The following FKBP15 variants were observed in gnomAD, a reference collection of about 807,000 sequenced individuals.
The protein encoded by FKBP15 is FKBP prolyl isomerase family member 15.
Under a neutral mutation model 158.1 loss-of-function variants are expected in FKBP15, and 106 were observed. The observed-to-expected ratio is 0.67, with a 90% CI of 0.57 to 0.79. The LOEUF (loss-of-function observed/expected upper bound fraction) is 0.79, where lower values mean the gene tolerates loss of function less well. Ranked by LOEUF, FKBP15 falls within the 30% of genes least tolerant of loss-of-function variation. The pLI, the probability that FKBP15 is intolerant of heterozygous loss-of-function variation, is 0.00. For synonymous variants in FKBP15, 547 were observed against 548.6 expected, an observed-to-expected ratio of 1.00 and a Z score of 0.04; for missense variants, 1,287 against 1,479.1, an observed-to-expected ratio of 0.87 and a Z score of 2.13.
intron 2 of FKBP15, among the ~76,000 whole-genome samples, chr9:113,208,550 G>A (rs546298322): frequency 1.5e-3 from 223 of 152,212 alleles, no homozygotes; most frequent in African/African-American, 5.1e-3. Context: ...TCTGATTATA[G>A]AGTACAAGTG....
At chr9:113,200,816 T>C (rs1490460919) in intron 6 of FKBP15, among the ~76,000 whole-genome samples, 1 of 151,834 alleles carries the variant, frequency 6.6e-6, no homozygotes, top group Non-Finnish European at 1.5e-5. Flanking sequence ...GAGGCCGAGG[T>C]GGGCGGATCA....
At chr9:113,206,876 C>A (rs1467391537) in intron 3 of FKBP15, 1 of 435,488 alleles carries the variant, frequency 2.3e-6, no homozygotes, top group African/African-American at 2.0e-5. Flanking sequence ...GCCACCGCAC[C>A]CGGCCCAGCA....
In FKBP15 at chr9:113,182,831, T is replaced by A. The variant is rs1445211639; in HGVS notation, c.1849A>T (p.Asn617Tyr). ...EQSNLMMEKR[N>Y]NSLQTATENT... ...TCTGTGGCTGTCTGAAGTGAGTTGT[T>A]CCTCTTCTCCATCATCAGGTTACTC... The change falls in exon 19 of 28, where the codon AAC (asparagine) becomes TAC (tyrosine). Residue 617 changes from asparagine (N) to tyrosine (Y), a missense_variant. By Grantham distance (143) the Asn-to-Tyr change is moderately radical. Coordinates refer to ENST00000238256, the MANE Select transcript of FKBP15 (RefSeq NM_015258.2). 1 of 1,613,798 alleles carries A rather than the reference T, an allele frequency of 6.2e-7. No individual in the cohort carries two copies. The highest frequency in any genetic ancestry group is 1.7e-5 in the Admixed American group (1 of 60,016).
At chr9:113,170,386 C>T in intron 25 of FKBP15, 136 bp downstream of exon 25, 3 of 675,474 alleles carry the variant, frequency 4.4e-6, no homozygotes, top group Non-Finnish European at 5.2e-6. Flanking sequence ...CCCACCTTGG[C>T]CTCCCAAAAT....
In FKBP15 at chr9:113,188,581, A is replaced by C. The variant is rs900502351; in HGVS notation, c.1174-90T>G. The C allele has an allele frequency of 5.9e-6, 6 of 1,018,766 alleles. No individual in the cohort carries two copies. The Admixed American group carries it at 1.3e-4, about 22-fold the overall frequency. 63.1% of individuals were successfully genotyped at this position (1,018,766 alleles called of 1,614,324 possible). ...TGTCTGCCCTAAACCTGCTTCCAACACAGGATTTCTAGGCAAAGAAGAGGA... is the reference window on the plus strand; with the variant it reads ...TGTCTGCCCTAAACCTGCTTCCAACCCAGGATTTCTAGGCAAAGAAGAGGA... On this transcript the variant is annotated intron_variant, in intron 12 of 27. Transcript: ENST00000238256.
At chr9:113,171,779 C>A in intron 23 of FKBP15, 73 bp from the exon 24 acceptor site, 1 of 1,264,292 alleles carries the variant, frequency 7.9e-7, no homozygotes, top group Non-Finnish European at 1.0e-6. Flanking sequence ...GGGAGGAGAA[C>A]CACCCAAACA....
intron 3 of FKBP15, 68 bp from the exon 4 acceptor site, chr9:113,206,646 T>C (rs182583103): frequency 1.7e-6 from 2 of 1,151,202 alleles, no homozygotes; most frequent in East Asian, 2.3e-5. Context: ...CTTTCTTTTC[T>C]GTCATACAGA....
At chr9:113,182,971 C>T (rs1285507914) in intron 18 of FKBP15, 103 bp from the exon 19 acceptor site, 19 of 937,334 alleles carry the variant, frequency 2.0e-5, no homozygotes, top group South Asian at 2.8e-5. Context: ...TGCTCTATAC[C>T]TTTGTCAAAA....
At position 113,169,382 on chromosome 9, in the gene FKBP15, G is replaced by A. The variant is rs1564147810; in HGVS notation, c.3327C>T (p.Ala1109=). ...TSDPEEGDPL[A]LGPESPGEPQ... ...GCTCTCCTGGGCTTTCAGGCCCTAA[G>A]GCCAGTGGGTCCCCCTCCTCGGGGT... Residue 1109 remains alanine (A), a synonymous_variant, in exon 26 of 28, where the codon GCC becomes GCT. Transcript: ENST00000238256. The A allele has an allele frequency of 1.2e-6, 2 of 1,614,056 alleles. No homozygotes were observed. Among genetic ancestry groups the A allele is most frequent in the South Asian group, 1.1e-5 (1 of 91,086 alleles).
chr9:113,170,808 A>G (rs1261905619), intron 24 of FKBP15, among the ~76,000 whole-genome samples, 179 bp from the exon 25 acceptor site: 8 of 152,230 alleles, frequency 5.3e-5, no homozygotes. Context: ...TTAAATAATG[A>G]GCAGCACTTT....
chr9:113,220,155 G>A (rs894555754), intron 1 of FKBP15, among the ~76,000 whole-genome samples: 16 of 152,234 alleles, frequency 1.1e-4, no homozygotes, highest in African/African-American at 2.9e-4. Flanking sequence ...AGATCTGGAA[G>A]CAACTTAAGG....
intron 1 of FKBP15, among the ~76,000 whole-genome samples, chr9:113,215,804 C>T (rs1831118878): frequency 6.6e-6 from 1 of 151,048 alleles, no homozygotes; most frequent in South Asian, 2.1e-4. Context: ...CGTGCATCAC[C>T]ATGCCCTGCT....
chr9:113,219,191 T>C (rs886184756), intron 1 of FKBP15, among the ~76,000 whole-genome samples: 6 of 152,190 alleles, frequency 3.9e-5, no homozygotes, highest in African/African-American at 1.2e-4. Context: ...TCTAGATTAA[T>C]AGTAAACTCT....
chr9:113,188,827 A>G (rs567502540), intron 12 of FKBP15, among the ~76,000 whole-genome samples: 10 of 152,340 alleles, frequency 6.6e-5, no homozygotes, highest in African/African-American at 2.4e-4. Flanking sequence ...AACTGCCTTA[A>G]GACAAATCTA....
At chr9:113,192,035 T>TA (rs11409285) in intron 11 of FKBP15, among the ~76,000 whole-genome samples, 47,019 of 147,972 alleles carry the variant, frequency 0.32, 7,469 homozygotes, top group Non-Finnish European at 0.34. Context: ...CAAATTTGTT[T>TA]AAAAAAAAAA....
At chr9:113,206,710 AAATTTTTTTT>A in intron 3 of FKBP15, 132 bp from the exon 4 acceptor site, 2 of 526,738 alleles carry the variant, frequency 3.8e-6, no homozygotes, top group Non-Finnish European at 6.4e-6. Flanking sequence ...GAGCGGTTTA[AAATTTTTTTT>A]TTTTTTTTTT....
Position 113,194,071 on chromosome 9 carries a change from A to G in FKBP15, c.963T>C (p.Ala321=). ...SPIPGADNLS[A]DPVVSPPTSI... ...ATGTGGGTGGTGACACAACAGGATC[A>G]GCAGAGAGGTTGTCAGCACCAGGGA... The change falls in exon 10 of 28, where the codon GCT becomes GCC. Residue 321 remains alanine (A), a synonymous_variant. Transcript: ENST00000238256. 5.0e-6 allele frequency: 8 copies of G among 1,613,580 alleles called. No homozygotes were observed. Among genetic ancestry groups the G allele is most frequent in the Non-Finnish European group, 6.8e-6 (8 of 1,179,580 alleles).
intron 1 of FKBP15, among the ~76,000 whole-genome samples, chr9:113,218,639 C>T (rs1389031831): frequency 6.6e-6 from 1 of 151,978 alleles, no homozygotes; most frequent in Non-Finnish European, 1.5e-5. Context: ...CGGAAGTTGA[C>T]CTGCAACCAT....
intron 1 of FKBP15, among the ~76,000 whole-genome samples, chr9:113,215,644 A>ATATATT (rs1491257448): frequency 1.6e-5 from 1 of 61,572 alleles, no homozygotes; most frequent in Non-Finnish European, 2.7e-5. Context: ...ATATATATAT[A>ATATATT]TTTTTTTTTT....
Sources: allele counts gnomAD v4.1 joint callset (sites outside exome capture counted in the v4.1 genomes callset), GRCh38; gene constraint gnomAD v4.1.1; transcripts MANE v1.5; gene names NCBI Gene and HGNC (gene_info 2026-07-23, HGNC 2026-07-21).